The following SLC25A21 variants were observed in gnomAD, a reference collection of about 807,000 sequenced individuals.
SLC25A21 encodes solute carrier family 25 member 21, also known as mitochondrial 2-oxodicarboxylate carrier.
SLC25A21 carries 47 observed loss-of-function variants against 43.8 expected under a neutral mutation model. That is an observed-to-expected ratio of 1.07 (90% CI 0.85 to 1.37). The LOEUF (loss-of-function observed/expected upper bound fraction) is 1.37. Among genes scored for constraint, SLC25A21 ranks in the 40% most tolerant of loss-of-function variants. The pLI, the probability that SLC25A21 is intolerant of heterozygous loss-of-function variation, is 0.00. For missense variants in SLC25A21, 352 were observed against 350.2 expected, an observed-to-expected ratio of 1.00 and a Z score of -0.04; for synonymous variants, 131 against 121.3, an observed-to-expected ratio of 1.08 and a Z score of -0.52.
At chr14:36,758,465 C>G (rs1389553677) in intron 3 of SLC25A21, among the ~76,000 whole-genome samples, 1 of 151,798 alleles carries the variant, frequency 6.6e-6, no homozygotes, top group Non-Finnish European at 1.5e-5. Flanking sequence ...CAGATGTCTC[C>G]AACAACGCAG....
chr14:37,153,868 C>A (rs887777546), intron 1 of SLC25A21, among the ~76,000 whole-genome samples: 5 of 152,204 alleles, frequency 3.3e-5, no homozygotes, highest in African/African-American at 1.2e-4. Context: ...GCCCCACCTG[C>A]AGGACTGGAG....
At chr14:36,821,014 T>A (rs898016457) in intron 2 of SLC25A21, among the ~76,000 whole-genome samples, 1 of 152,220 alleles carries the variant, frequency 6.6e-6, no homozygotes, top group African/African-American at 2.4e-5. Context: ...TTAGCCTTTC[T>A]TACTGAAATT....
intron 1 of SLC25A21, among the ~76,000 whole-genome samples, chr14:37,103,917 T>C (rs766426743): frequency 6.6e-6 from 1 of 152,178 alleles, no homozygotes; most frequent in African/African-American, 2.4e-5. Context: ...TACCCACTCA[T>C]ATCCTTTACA....
At chr14:36,919,662 T>TCTAA (rs1478056209) in intron 1 of SLC25A21, among the ~76,000 whole-genome samples, 1 of 151,106 alleles carries the variant, frequency 6.6e-6, no homozygotes, top group Non-Finnish European at 1.5e-5. Context: ...TATCTATCTA[T>TCTAA]CTATCTCTAT....
chr14:37,043,135 C>T (rs1270108274), intron 1 of SLC25A21, among the ~76,000 whole-genome samples: 1 of 152,214 alleles, frequency 6.6e-6, no homozygotes, highest in Non-Finnish European at 1.5e-5. Flanking sequence ...TTTCCACCTT[C>T]TTAATGTTGC....
chr14:36,955,131 A>C (rs1160922967), intron 1 of SLC25A21, among the ~76,000 whole-genome samples: 4 of 152,134 alleles, frequency 2.6e-5, no homozygotes, highest in African/African-American at 9.7e-5. Flanking sequence ...ACATTCAATA[A>C]ATGCTTGTTA....
At chr14:36,959,187 A>T (rs2138671724) in intron 1 of SLC25A21, among the ~76,000 whole-genome samples, 1 of 152,230 alleles carries the variant, frequency 6.6e-6, no homozygotes, top group Non-Finnish European at 1.5e-5. Context: ...ACACTGACAC[A>T]CTGCTCCCTT....
chr14:37,124,436 G>T lies in SLC25A21; in HGVS notation c.70+47845C>A, dbSNP rs573286829. ...TCTAGTTTAAACACTGCAGACCTGA[G>T]ATGCATACTTAGGGTTACATCACAG... On this transcript the variant is annotated intron_variant, in intron 1 of 9. Transcript: ENST00000331299. 5.8e-4 allele frequency among the ~76,000 whole-genome samples: 88 copies of T among 152,074 alleles called. 1 individual carries two copies. The highest frequency in any genetic ancestry group is 2.0e-3 in the African/African-American group (85 of 41,474).
At chr14:36,735,838 A>C (rs573579637) in intron 3 of SLC25A21, among the ~76,000 whole-genome samples, 442 of 145,872 alleles carry the variant, frequency 3.0e-3, no homozygotes, top group Middle Eastern at 0.011. Context: ...TTTGTATATA[A>C]CCAGGACACA....
chr14:36,997,077 C>G (rs960225214), intron 1 of SLC25A21, among the ~76,000 whole-genome samples: 1 of 151,412 alleles, frequency 6.6e-6, no homozygotes, highest in African/African-American at 2.4e-5. Flanking sequence ...AGGACAAGAA[C>G]CAAAGAAAAG....
chr14:37,082,505 T>C (rs1477647621), intron 1 of SLC25A21, among the ~76,000 whole-genome samples: 1 of 152,218 alleles, frequency 6.6e-6, no homozygotes, highest in Admixed American at 6.5e-5. Flanking sequence ...ATTTCTCCTT[T>C]TGTCTTCCTA....
chr14:37,171,105 GA>G, intron 1 of SLC25A21, among the ~76,000 whole-genome samples: 1 of 103,116 alleles, frequency 9.7e-6, no homozygotes. Context: ...CCATCGAAAA[GA>G]AAAAGGGGGG....
chr14:37,077,225 C>T (rs1301808497), intron 1 of SLC25A21, among the ~76,000 whole-genome samples: 1 of 152,158 alleles, frequency 6.6e-6, no homozygotes, highest in Non-Finnish European at 1.5e-5. Flanking sequence ...AAGATGCTAT[C>T]AGCAAAATAA....
intron 3 of SLC25A21, among the ~76,000 whole-genome samples, chr14:36,750,459 A>G (rs781752570): frequency 6.6e-6 from 1 of 152,176 alleles, no homozygotes; most frequent in African/African-American, 2.4e-5. Context: ...TGCTCAGGAA[A>G]TCACCAGGCC....
intron 2 of SLC25A21, among the ~76,000 whole-genome samples, chr14:36,816,617 C>T (rs1423164461): frequency 1.3e-5 from 2 of 151,820 alleles, no homozygotes; most frequent in African/African-American, 2.4e-5. Context: ...ATCTTCCCAC[C>T]TCAGCCTCCC....
intron 2 of SLC25A21, among the ~76,000 whole-genome samples, chr14:36,856,566 C>G (rs1481615102): frequency 6.6e-6 from 1 of 152,168 alleles, no homozygotes; most frequent in Non-Finnish European, 1.5e-5. Flanking sequence ...CCTCTTTAGA[C>G]TGCGAGAGGC....
intron 1 of SLC25A21, among the ~76,000 whole-genome samples, chr14:37,168,989 C>G (rs924376506): frequency 6.6e-6 from 1 of 152,168 alleles, no homozygotes; most frequent in Admixed American, 6.5e-5. Context: ...CTTCTCATCC[C>G]TCTCCCTAGT....
intron 1 of SLC25A21, among the ~76,000 whole-genome samples, chr14:37,033,467 C>A (rs924502129): frequency 1.3e-5 from 2 of 152,102 alleles, no homozygotes; most frequent in Non-Finnish European, 2.9e-5. Flanking sequence ...TTCAGCTAAG[C>A]AGCAATAATA....
chr14:36,995,584 G>A (rs1374841299), intron 1 of SLC25A21, among the ~76,000 whole-genome samples: 3 of 152,136 alleles, frequency 2.0e-5, no homozygotes, highest in Non-Finnish European at 2.9e-5. Context: ...GCCCACCTAC[G>A]ATGGGAAAGT....
Sources: allele counts gnomAD v4.1 joint callset (sites outside exome capture counted in the v4.1 genomes callset), GRCh38; gene constraint gnomAD v4.1.1; transcripts MANE v1.5; gene names NCBI Gene and HGNC (gene_info 2026-07-23, HGNC 2026-07-21).